Variants in ACYP2 observed in about 807,000 individuals in gnomAD.
ACYP2 encodes the protein acylphosphatase 2, also known as acylphosphatase-2.
A neutral mutation model predicts 11.2 loss-of-function variants in ACYP2; 12 were observed. The ratio of observed to expected loss-of-function variants is 1.08; its 90% CI spans 0.69 to 1.74. The LOEUF (loss-of-function observed/expected upper bound fraction) is 1.74. ACYP2 is among the 40% of genes most tolerant of loss of function. ACYP2 has a pLI of 0.00. For synonymous variants in ACYP2, 43 were observed against 32.2 expected (o/e 1.33, Z -1.13); for missense variants, 134 against 101.9 (o/e 1.31, Z -1.35).
chr2:54,041,559 A>G (rs1675229589), intron 2 of ACYP2, among the ~76,000 whole-genome samples: 1 of 152,154 alleles, frequency 6.6e-6, no homozygotes, highest in East Asian at 1.9e-4. Context: ...TTAAAGTGAG[A>G]TCTCTTAGTA....
chr2:54,003,487 T>C (rs1175062868), intron 2 of ACYP2, among the ~76,000 whole-genome samples: 2 of 152,122 alleles, frequency 1.3e-5, no homozygotes, highest in Admixed American at 1.3e-4. Context: ...CTTGAACTCC[T>C]GACCTCCAGT....
intron 6 of ACYP2, among the ~76,000 whole-genome samples, chr2:54,165,197 T>G (rs1452843982): frequency 6.6e-6 from 1 of 152,222 alleles, no homozygotes; most frequent in Non-Finnish European, 1.5e-5. Flanking sequence ...TTGGAGACAC[T>G]GTATAGACTA....
chr2:54,165,583 A>G (rs576172319), intron 6 of ACYP2, among the ~76,000 whole-genome samples: 13 of 149,388 alleles, frequency 8.7e-5, no homozygotes, highest in African/African-American at 3.2e-4. Flanking sequence ...ATTAGAGACA[A>G]CCAAAGTCTT....
At chr2:53,983,015 G>T (rs1446677190) in intron 2 of ACYP2, among the ~76,000 whole-genome samples, 1 of 152,072 alleles carries the variant, frequency 6.6e-6, no homozygotes, top group Non-Finnish European at 1.5e-5. Flanking sequence ...TTAGAGAGGG[G>T]CAGCCAGACA....
intron 6 of ACYP2, among the ~76,000 whole-genome samples, chr2:54,268,013 T>G (rs1688114922): frequency 6.6e-6 from 1 of 152,184 alleles, no homozygotes; most frequent in Non-Finnish European, 1.5e-5. Context: ...AATTTCAAAT[T>G]TTAAAAATAC....
chr2:54,105,786 G>A (rs373593318), intron 4 of ACYP2, among the ~76,000 whole-genome samples: 3 of 151,824 alleles, frequency 2.0e-5, no homozygotes, highest in Non-Finnish European at 2.9e-5. Flanking sequence ...GAGCCATTGC[G>A]CCTGGACCCT....
intron 6 of ACYP2, chr2:54,222,898 A>G (rs1215349928): frequency 8.6e-6 from 1 of 115,892 alleles, no homozygotes; most frequent in East Asian, 2.6e-4. Context: ...GAGGACCTCC[A>G]TGCAAAACAC....
intron 4 of ACYP2, among the ~76,000 whole-genome samples, chr2:54,082,243 T>G (rs1026825167): frequency 4.0e-4 from 59 of 147,958 alleles, no homozygotes; most frequent in Non-Finnish European, 1.3e-4. Context: ...TATATAGCTC[T>G]TTTTTTTTTC....
At chr2:54,126,460 C>A (rs1438526823) in intron 4 of ACYP2, among the ~76,000 whole-genome samples, 3 of 152,088 alleles carry the variant, frequency 2.0e-5, no homozygotes, top group Non-Finnish European at 4.4e-5. Context: ...GCCAGGATGT[C>A]AAGAAATTTT....
At chr2:54,127,207 A>T (rs543136185) in intron 4 of ACYP2, among the ~76,000 whole-genome samples, 20 of 151,154 alleles carry the variant, frequency 1.3e-4, no homozygotes, top group African/African-American at 4.6e-4. Context: ...ATATACACTG[A>T]CATAATCATC....
At chr2:54,049,284 A>T (rs1189678667) in intron 2 of ACYP2, among the ~76,000 whole-genome samples, 2 of 151,280 alleles carry the variant, frequency 1.3e-5, no homozygotes, top group Non-Finnish European at 2.9e-5. Context: ...ATAATAATGA[A>T]CTGACTAGTG....
intron 6 of ACYP2, among the ~76,000 whole-genome samples, chr2:54,182,302 C>T (rs1572900019): frequency 6.6e-6 from 1 of 151,898 alleles, no homozygotes. Flanking sequence ...TCATGATCCA[C>T]CCGCCTCAGC....
At chr2:54,044,776 A>G (rs1430348640) in intron 2 of ACYP2, among the ~76,000 whole-genome samples, 1 of 152,152 alleles carries the variant, frequency 6.6e-6, no homozygotes, top group Non-Finnish European at 1.5e-5. Context: ...TTCCTGTCAC[A>G]TCTGCTGCCA....
At position 54,115,291 on chromosome 2, in the gene ACYP2, C is replaced by A. The variant is rs904565075; in HGVS notation, c.278-20162C>A. 3 of 454,898 alleles carry A rather than the reference C, an allele frequency of 6.6e-6. No homozygotes were observed. In the South Asian group the frequency reaches 1.1e-4, roughly 17 times the overall value. The allele number at this position is 454,898 out of a possible 1,614,324, so 28.2% of individuals were successfully genotyped here. A position where few individuals can be genotyped will look rare whatever the true frequency, so the allele number is the denominator to read the frequency against. On this transcript the variant is annotated intron_variant, in intron 4 of 6. Coordinates refer to ENST00000607452, the MANE Select transcript of ACYP2 (RefSeq NM_001320586.2). Reference sequence around the variant, plus strand: ...CATCACCTTGTACACCACAAATATACCCAACTTTTATTTGTCAATTACACT... The same window carrying A: ...CATCACCTTGTACACCACAAATATAACCAACTTTTATTTGTCAATTACACT...
At chr2:54,214,841 A>G (rs1389899673) in intron 6 of ACYP2, among the ~76,000 whole-genome samples, 1 of 152,216 alleles carries the variant, frequency 6.6e-6, no homozygotes, top group Non-Finnish European at 1.5e-5. Flanking sequence ...TGCTTAGGAC[A>G]GTATGGCCAT....
chr2:54,206,995 G>A (rs2103921984), intron 6 of ACYP2, among the ~76,000 whole-genome samples: 1 of 152,014 alleles, frequency 6.6e-6, no homozygotes, highest in Non-Finnish European at 1.5e-5. Flanking sequence ...GTTCTCTAGA[G>A]AAGCAGAACC....
At chr2:54,097,096 G>A (rs1431360768) in intron 4 of ACYP2, among the ~76,000 whole-genome samples, 3 of 152,120 alleles carry the variant, frequency 2.0e-5, no homozygotes, top group Non-Finnish European at 4.4e-5. Context: ...AATTCAAAAG[G>A]GTTTATAATA....
At chr2:54,046,222 T>C (rs1350138380) in intron 2 of ACYP2, among the ~76,000 whole-genome samples, 1 of 135,896 alleles carries the variant, frequency 7.4e-6, no homozygotes, top group Admixed American at 7.3e-5. Context: ...ACACCTGTAA[T>C]CCCAGCAATT....
intron 4 of ACYP2, among the ~76,000 whole-genome samples, chr2:54,133,930 C>T (rs1382954916): frequency 6.6e-6 from 1 of 152,090 alleles, no homozygotes; most frequent in Non-Finnish European, 1.5e-5. Flanking sequence ...GATGAGACTC[C>T]TATAGTTTTG....
Sources: allele counts gnomAD v4.1 joint callset (sites outside exome capture counted in the v4.1 genomes callset), GRCh38; gene constraint gnomAD v4.1.1; transcripts MANE v1.5; gene names NCBI Gene and HGNC (gene_info 2026-07-23, HGNC 2026-07-21).